Variants in AGFG2 observed in about 807,000 individuals in gnomAD.
AGFG2 encodes arf-GAP domain and FG repeat-containing protein 2.
A neutral mutation model predicts 48.0 loss-of-function variants in AGFG2; 31 were observed. That is an observed-to-expected ratio of 0.65 (90% confidence interval 0.49 to 0.87). The LOEUF (loss-of-function observed/expected upper bound fraction) is 0.87. Among genes scored for constraint, AGFG2 ranks in the 40% least tolerant of loss-of-function variants. The pLI, the probability that AGFG2 is intolerant of heterozygous loss-of-function variation, is 0.00. For synonymous variants in AGFG2, 229 were observed against 260.8 expected (o/e 0.88, Z 1.18); for missense variants, 599 against 632.6 (o/e 0.95, Z 0.57).
chr7:100,539,566 C>A lies in AGFG2; in HGVS notation c.220C>A (p.Leu74Met). Residue 74 changes from leucine to methionine, a missense_variant and splice_region_variant, in exon 1 of 12, where the codon CTG becomes ATG. By Grantham distance (15) the Leu-to-Met change is conservative (BLOSUM62 2). Transcript: ENST00000300176. ...CGTGTGCACCACCTGCTCCGGCCTCCTGTGAGTGACCGGGAGGGAGTGGCC... is the reference window on the plus strand; with the variant it reads ...CGTGTGCACCACCTGCTCCGGCCTCATGTGAGTGACCGGGAGGGAGTGGCC... ...SFVCTTCSGL[L>M]RGLNPPHRVK... 1 of 1,011,934 alleles carries A rather than the reference C, an allele frequency of 9.9e-7. No homozygotes were observed. The allele number at this position is 1,011,934 out of a possible 1,614,324, so 62.7% of individuals were successfully genotyped here. A position where few individuals can be genotyped will look rare whatever the true frequency, so the allele number is the denominator to read the frequency against.
At chr7:100,556,306 C>T (rs913293455) in intron 6 of AGFG2, 3 of 201,562 alleles carry the variant, frequency 1.5e-5, no homozygotes, top group Admixed American at 5.4e-5. Context: ...CAGAGTGAGA[C>T]CCCATCTCAA....
In AGFG2 at chr7:100,566,418, G is replaced by A. The variant is rs973556253; in HGVS notation, c.*1427G>A. 1.3e-5 allele frequency: 2 copies of A among 152,272 alleles called. No individual in the cohort carries two copies. The highest frequency in any genetic ancestry group is 4.8e-5 in the African/African-American group (2 of 41,452). 9.4% of individuals were successfully genotyped at this position (152,272 alleles called of 1,614,324 possible). ...GACAAGACAGACCTGGTCAGGGGGT[G>A]GGTGGCAAACACCTCACCTGGCTGG... On this transcript the variant is annotated 3_prime_UTR_variant, in exon 12 of 12. Coordinates refer to ENST00000300176, the MANE Select transcript of AGFG2 (RefSeq NM_006076.5).
intron 4 of AGFG2, among the ~76,000 whole-genome samples, chr7:100,553,787 C>T (rs1052572419): frequency 6.6e-6 from 1 of 152,188 alleles, no homozygotes; most frequent in African/African-American, 2.4e-5. Context: ...TGTCCAATAC[C>T]TGGGAAGGTT....
rs1401938033 is a variant in AGFG2, at chr7:100,555,745, G to T, written c.877+10G>T. 1.2e-6 allele frequency: 2 copies of T among 1,612,956 alleles called. No homozygotes were observed. Among genetic ancestry groups the T allele is most frequent in the African/African-American group, 2.7e-5 (2 of 75,002 alleles). On this transcript the variant is annotated intron_variant, in intron 6 of 11. Transcript: ENST00000300176. ...CAGCCAACTCCTGCAGGTAAACTCT[G>T]CCCCACTGGCTTCCTTTCTCTTCCA...
intron 6 of AGFG2, among the ~76,000 whole-genome samples, chr7:100,557,938 G>T (rs981732023): frequency 6.6e-6 from 1 of 152,124 alleles, no homozygotes; most frequent in Admixed American, 6.5e-5. Flanking sequence ...AATAGGCCAG[G>T]CGCGGTGGCT....
intron 5 of AGFG2, 59 bp from the exon 6 acceptor site, chr7:100,555,551 G>A (rs997070742): frequency 6.4e-6 from 10 of 1,572,320 alleles, no homozygotes; most frequent in South Asian, 1.1e-5. Context: ...GGAATTACAG[G>A]CGTGAGCTAC....
At chr7:100,555,824 A>G in intron 6 of AGFG2, 89 bp downstream of exon 6, 1 of 1,536,138 alleles carries the variant, frequency 6.5e-7, no homozygotes, top group Non-Finnish European at 8.8e-7. Flanking sequence ...TCACTATCCT[A>G]AAGAACTGCT....
intron 5 of AGFG2, 77 bp from the exon 6 acceptor site, chr7:100,555,533 A>G (rs1369557333): frequency 3.3e-6 from 5 of 1,531,152 alleles, no homozygotes; most frequent in Non-Finnish European, 4.4e-6. Flanking sequence ...TCGGCCTCCC[A>G]AAGTGCTGGA....
At position 100,567,359 on chromosome 7, in the gene AGFG2, C is replaced by CCA. The variant is rs1021207239; in HGVS notation, c.*2376_*2377dup. On this transcript the variant is annotated 3_prime_UTR_variant, in exon 12 of 12. Transcript: ENST00000300176. ...CCTGGTAGCTGCAGATTCAAACCCACCACACACACCACGGGGCTAGAGTGA... is the reference window on the plus strand; with the variant it reads ...CCTGGTAGCTGCAGATTCAAACCCACCACACACACACCACGGGGCTAGAGTGA... The CCA allele has an allele frequency of 2.0e-5, 3 of 153,264 alleles. No individual in the cohort carries two copies. Among genetic ancestry groups the CCA allele is most frequent in the African/African-American group, 7.2e-5 (3 of 41,588 alleles). 9.5% of individuals were successfully genotyped at this position (153,264 alleles called of 1,614,324 possible).
Position 100,549,234 on chromosome 7 carries a change from G to T in AGFG2, c.315+319G>T, listed in dbSNP as rs529677180. On this transcript the variant is annotated intron_variant, in intron 2 of 11. Transcript: ENST00000300176. ...AGTTGACTGGGCCAGCCCCTCTGAG[G>T]AAGCTTTCCTGGAGCCAGCTCTGCT... Among the ~76,000 whole-genome samples the T allele has an allele frequency of 5.9e-5, 9 of 152,302 alleles. No homozygotes were observed. The East Asian group carries it at 1.7e-3, about 29-fold the overall frequency.
At chr7:100,552,440 G>T (rs182575814) in intron 3 of AGFG2, among the ~76,000 whole-genome samples, 1 of 152,102 alleles carries the variant, frequency 6.6e-6, no homozygotes, top group African/African-American at 2.4e-5. Flanking sequence ...GAATTGTCAG[G>T]GGGATCCTGG....
chr7:100,565,029 G>A lies in AGFG2; in HGVS notation c.*38G>A. 1 of 1,601,940 alleles carries A rather than the reference G, an allele frequency of 6.2e-7. No homozygotes were observed. The highest frequency in any genetic ancestry group is 8.6e-7 in the Non-Finnish European group (1 of 1,168,950). On this transcript the variant is annotated 3_prime_UTR_variant, in exon 12 of 12. Transcript: ENST00000300176. ...GGGGGGCCTCTTCCCTGCCTTCTGG[G>A]GCCCCTCTGCTCCCTAGAGCTCTGG...
intron 1 of AGFG2, among the ~76,000 whole-genome samples, chr7:100,544,556 A>G (rs572842231): frequency 3.6e-4 from 55 of 152,218 alleles, no homozygotes; most frequent in African/African-American, 1.3e-3. Context: ...TTTTAGTCCC[A>G]TCCCTCCATC....
At position 100,562,805 on chromosome 7, in the gene AGFG2, G is replaced by A. The variant is rs186468230; in HGVS notation, c.1088-58G>A. 59 of 1,604,228 alleles carry A rather than the reference G, an allele frequency of 3.7e-5. No individual in the cohort carries two copies. In the East Asian group the frequency reaches 7.6e-4, roughly 21 times the overall value. ...GCTCAGGCATCACAGGATGAAGCAC[G>A]TGAGAAAAAAAGTAACCATCTCTCT... On this transcript the variant is annotated intron_variant, in intron 8 of 11. Coordinates refer to ENST00000300176, the MANE Select transcript of AGFG2 (RefSeq NM_006076.5). This position sits in a 1 kb window ranked among gnomAD's most constrained non-coding sequence, Gnocchi z 5.4.
chr7:100,563,963 G>A lies in AGFG2; in HGVS notation c.1300+1G>A, dbSNP rs781144466. ...ACCCCGCTTGTTCAGCAGCAGAATG[G>A]TAAGAGCTGTAGATGGACAAACCCT... On this transcript the variant is annotated splice_donor_variant, in intron 10 of 11. Coordinates refer to ENST00000300176, the MANE Select transcript of AGFG2 (RefSeq NM_006076.5). LOFTEE classifies it high-confidence loss of function. The A allele has an allele frequency of 1.9e-6, 3 of 1,606,376 alleles. No homozygotes were observed. Among genetic ancestry groups the A allele is most frequent in the Non-Finnish European group, 2.5e-6 (3 of 1,179,956 alleles).
At chr7:100,544,792 A>G (rs1023450135) in intron 1 of AGFG2, among the ~76,000 whole-genome samples, 1 of 152,090 alleles carries the variant, frequency 6.6e-6, no homozygotes, top group Non-Finnish European at 1.5e-5. Flanking sequence ...TGTAAAAAAG[A>G]TTGAGGTTGA....
intron 6 of AGFG2, among the ~76,000 whole-genome samples, chr7:100,561,166 G>A (rs902964867): frequency 7.7e-6 from 1 of 130,550 alleles, no homozygotes; most frequent in Non-Finnish European, 1.6e-5. Flanking sequence ...CGCTCTTATT[G>A]CCCAGGCTGG....
At position 100,565,184 on chromosome 7, in the gene AGFG2, A is replaced by G; in HGVS notation, c.*193A>G. ...AAGCCTCTCTCCCCTCCCTCGTCCCACCCCCACCCAGGCAGGAAGCCCAGG... is the reference window on the plus strand; with the variant it reads ...AAGCCTCTCTCCCCTCCCTCGTCCCGCCCCCACCCAGGCAGGAAGCCCAGG... On this transcript the variant is annotated 3_prime_UTR_variant, in exon 12 of 12. Transcript: ENST00000300176. 1 of 642,276 alleles carries G rather than the reference A, an allele frequency of 1.6e-6. No homozygotes were observed. Among genetic ancestry groups the G allele is most frequent in the Non-Finnish European group, 2.7e-6 (1 of 368,170 alleles). 39.8% of individuals were successfully genotyped at this position (642,276 alleles called of 1,614,324 possible).
Position 100,541,291 on chromosome 7 carries a change from CA to C in AGFG2, c.221+1726del, listed in dbSNP as rs576339396. On this transcript the variant is annotated intron_variant, in intron 1 of 11. Coordinates refer to ENST00000300176, the MANE Select transcript of AGFG2 (RefSeq NM_006076.5). ...GCTAAACTTCTCTCTGGGTTCTGATCAACCTCACTTGTGGGTTGTAAGGATG... is the reference window on the plus strand; with the variant it reads ...GCTAAACTTCTCTCTGGGTTCTGATCACCTCACTTGTGGGTTGTAAGGATG... Among the ~76,000 whole-genome samples the C allele has an allele frequency of 1.7e-3, 264 of 152,326 alleles. 2 individuals carry two copies. Among genetic ancestry groups the C allele is most frequent in the African/African-American group, 6.1e-3 (252 of 41,572 alleles).
Sources: gnomAD v4.1 joint callset for allele counts (sites outside exome capture counted in the v4.1 genomes callset) on GRCh38, gnomAD v4.1.1 for gene constraint, Gnocchi (gnomAD v3.1) non-coding constraint, MANE v1.5 for transcripts, NCBI Gene and HGNC (gene_info 2026-07-23, HGNC 2026-07-21) for gene names.